Variants in LY6S observed in about 807,000 individuals in gnomAD.
The protein encoded by LY6S is lymphocyte antigen 6 family member S.
chr8:143,046,273 G>T, the LY6S span, among the ~76,000 whole-genome samples: 2 of 152,150 alleles, frequency 1.3e-5, no homozygotes, highest in South Asian at 4.1e-4. Context: ...AACCACTTTT[G>T]CAAGATTATA....
the LY6S span, among the ~76,000 whole-genome samples, chr8:143,074,005 C>T: frequency 6.6e-6 from 1 of 151,514 alleles, no homozygotes; most frequent in African/African-American, 2.4e-5. Flanking sequence ...AGACAGCCGT[C>T]GTCCCCGGGG....
the LY6S span, among the ~76,000 whole-genome samples, chr8:143,058,180 C>T: frequency 3.9e-5 from 6 of 152,160 alleles, no homozygotes; most frequent in Non-Finnish European, 5.9e-5. Flanking sequence ...TCCCCGCGTG[C>T]GGCGACAAGA....
At chr8:143,045,788 G>A in the LY6S span, among the ~76,000 whole-genome samples, 2 of 152,284 alleles carry the variant, frequency 1.3e-5, no homozygotes, top group East Asian at 1.9e-4. This position sits in a 1 kb window ranked among gnomAD's most constrained non-coding sequence, Gnocchi z 5.3. Context: ...GAACAAGGGT[G>A]GGTTCCTGAA....
At chr8:143,065,685 C>T in the LY6S span, among the ~76,000 whole-genome samples, 1 of 152,070 alleles carries the variant, frequency 6.6e-6, no homozygotes, top group African/African-American at 2.4e-5. Flanking sequence ...GACTTAATGA[C>T]TCCCATGCCG....
the LY6S span, among the ~76,000 whole-genome samples, chr8:143,066,815 C>G: frequency 6.6e-6 from 1 of 152,162 alleles, no homozygotes; most frequent in African/African-American, 2.4e-5. Context: ...CGAGTTAAGA[C>G]TTTGGGGAAC....
chr8:143,072,961 G>A, the LY6S span, among the ~76,000 whole-genome samples: 1 of 79,000 alleles, frequency 1.3e-5, no homozygotes, highest in African/African-American at 4.3e-5. Context: ...CGTCCTCGGG[G>A]TTCCTGTTTG....
the LY6S span, among the ~76,000 whole-genome samples, chr8:143,072,630 T>C: frequency 7.3e-6 from 1 of 136,146 alleles, no homozygotes; most frequent in African/African-American, 2.7e-5. Flanking sequence ...GGTTCCTGTT[T>C]GAGGAGACAG....
chr8:143,049,648 TC>T, the LY6S span, among the ~76,000 whole-genome samples: 1 of 152,174 alleles, frequency 6.6e-6, no homozygotes, highest in African/African-American at 2.4e-5. Flanking sequence ...TCCTTCCGAC[TC>T]CCCAGCATCC....
chr8:143,058,344 A>G, the LY6S span, among the ~76,000 whole-genome samples: 1 of 152,184 alleles, frequency 6.6e-6, no homozygotes, highest in African/African-American at 2.4e-5. Context: ...GCAGGATAAG[A>G]AGAGTGAGCC....
the LY6S span, among the ~76,000 whole-genome samples, chr8:143,063,888 C>T: frequency 5.7e-3 from 863 of 152,324 alleles, 4 homozygotes; most frequent in African/African-American, 0.019. Flanking sequence ...ACCAACTTTT[C>T]AGCTTCCTTT....
At chr8:143,055,802 G>C in the LY6S span, among the ~76,000 whole-genome samples, 1 of 152,270 alleles carries the variant, frequency 6.6e-6, no homozygotes, top group African/African-American at 2.4e-5. Context: ...AGCCACCCTT[G>C]CTGCCCACTC....
At chr8:143,062,899 C>CCTTGGAGAAT in the LY6S span, among the ~76,000 whole-genome samples, 1 of 152,152 alleles carries the variant, frequency 6.6e-6, no homozygotes, top group Non-Finnish European at 1.5e-5. Context: ...ATAGCCAGGG[C>CCTTGGAGAAT]AACCTTGGAG....
chr8:143,053,989 G>A, the LY6S span: 4 of 152,110 alleles, frequency 2.6e-5, no homozygotes, highest in Non-Finnish European at 5.9e-5. Context: ...ATCCTCTGGG[G>A]ACCATCAACA....
At chr8:143,070,476 A>ATATATATATTATATATATATTGTGT in the LY6S span, among the ~76,000 whole-genome samples, 1 of 76,914 alleles carries the variant, frequency 1.3e-5, no homozygotes, top group East Asian at 4.4e-4. Context: ...TATATATATA[A>ATATATATATTATATATATATTGTGT]ATATATATAT....
chr8:143,060,466 A>G, the LY6S span, among the ~76,000 whole-genome samples: 1 of 152,216 alleles, frequency 6.6e-6, no homozygotes, highest in African/African-American at 2.4e-5. Context: ...TGATCTCTCC[A>G]GAACTACATA....
the LY6S span, among the ~76,000 whole-genome samples, chr8:143,071,250 T>C: frequency 6.6e-6 from 1 of 152,078 alleles, no homozygotes; most frequent in Admixed American, 6.5e-5. Context: ...GGTGGACATG[T>C]CAGCTTAAAG....
At chr8:143,069,905 T>C in the LY6S span, among the ~76,000 whole-genome samples, 1 of 152,154 alleles carries the variant, frequency 6.6e-6, no homozygotes, top group African/African-American at 2.4e-5. Context: ...ACAGGGGATG[T>C]TACAGCGGCC....
the LY6S span, among the ~76,000 whole-genome samples, chr8:143,062,228 T>C: frequency 6.6e-6 from 1 of 152,050 alleles, no homozygotes; most frequent in Non-Finnish European, 1.5e-5. Flanking sequence ...AAGGTCAAGG[T>C]ACAAAAATCA....
At chr8:143,044,811 G>C in the LY6S span, 1 of 1,366,012 alleles carries the variant, frequency 7.3e-7, no homozygotes, top group South Asian at 1.1e-5. Context: ...CTGGGAGAGA[G>C]GGCAAGGTGG....
Sources: gnomAD v4.1 joint callset for allele counts (sites outside exome capture counted in the v4.1 genomes callset) on GRCh38, gnomAD v4.1.1 for gene constraint, Gnocchi (gnomAD v3.1) non-coding constraint, MANE v1.5 for transcripts, NCBI Gene and HGNC (gene_info 2026-07-23, HGNC 2026-07-21) for gene names.